Variants in XRN2 observed in about 807,000 individuals in gnomAD.
XRN2 encodes DHM1-like protein.
XRN2 carries 44 observed loss-of-function variants against 138.5 expected under a neutral mutation model. The ratio of observed to expected loss-of-function variants is 0.32; its 90% CI spans 0.25 to 0.41. The LOEUF (loss-of-function observed/expected upper bound fraction) is 0.41, where lower values mean the gene tolerates loss of function less well. Ranked by LOEUF, XRN2 falls within the 10% of genes least tolerant of loss-of-function variation. The probability of loss-of-function intolerance (pLI) is 1.00; values close to 1 mark genes in which losing one functional copy is unlikely to be tolerated. For synonymous variants in XRN2, 354 were observed against 369.4 expected, an observed-to-expected ratio of 0.96 and a Z score of 0.48; for missense variants, 937 against 1,169.3, an observed-to-expected ratio of 0.80 and a Z score of 2.90.
chr20:21,385,993 C>T (rs1412209318), intron 28 of XRN2, among the ~76,000 whole-genome samples: 2 of 152,098 alleles, frequency 1.3e-5, no homozygotes, highest in African/African-American at 4.8e-5. Context: ...ATGGAAAGTG[C>T]CTTAAGGAGA....
chr20:21,369,581 T>TA (rs1402626910), intron 27 of XRN2, among the ~76,000 whole-genome samples: 4 of 152,258 alleles, frequency 2.6e-5, no homozygotes, highest in African/African-American at 9.6e-5. Context: ...GGCAAGATGA[T>TA]ACCTCATTGT....
rs1314453217 is a variant in XRN2, at chr20:21,332,267, CATT to C, written c.701-15_701-13del. On this transcript the variant is annotated splice_polypyrimidine_tract_variant and intron_variant, in intron 8 of 29. Transcript: ENST00000377191. ...AATACTCACTGTTCGATGTTTTTCT[CATT>C]GTTGATTGATAGCTGATCTCATTAT... 2.6e-5 allele frequency: 42 copies of C among 1,604,282 alleles called. No homozygotes were observed. Among genetic ancestry groups the C allele is most frequent in the Non-Finnish European group, 3.5e-5 (41 of 1,176,224 alleles).
chr20:21,376,527 T>G (rs1420644314), intron 27 of XRN2, among the ~76,000 whole-genome samples: 3 of 152,180 alleles, frequency 2.0e-5, no homozygotes, highest in Non-Finnish European at 4.4e-5. Flanking sequence ...TCTGTTTGTT[T>G]ATAAGGTTTT....
chr20:21,334,700 T>C (rs866919723), intron 13 of XRN2, among the ~76,000 whole-genome samples: 3 of 152,192 alleles, frequency 2.0e-5, no homozygotes, highest in African/African-American at 7.2e-5. Context: ...TTGCATATTA[T>C]GGATGAGCGC....
intron 24 of XRN2, among the ~76,000 whole-genome samples, chr20:21,360,469 T>C (rs1287817952): frequency 3.9e-5 from 6 of 152,082 alleles, no homozygotes; most frequent in Non-Finnish European, 8.8e-5. Flanking sequence ...TTTTTTTTTT[T>C]TTCTCATAGC....
intron 4 of XRN2, among the ~76,000 whole-genome samples, chr20:21,329,458 C>T (rs747588945): frequency 2.6e-5 from 4 of 152,066 alleles, no homozygotes; most frequent in South Asian, 2.1e-4. Flanking sequence ...GTCTTGGCTC[C>T]GGATAATTGC....
intron 1 of XRN2, among the ~76,000 whole-genome samples, chr20:21,316,505 A>G (rs1335480038): frequency 4.6e-5 from 7 of 152,222 alleles, no homozygotes; most frequent in African/African-American, 1.7e-4. Context: ...ACTTTCTTGC[A>G]TTGGCTATCT....
At chr20:21,354,990 A>G in intron 21 of XRN2, 118 bp downstream of exon 21, 2 of 721,690 alleles carry the variant, frequency 2.8e-6, no homozygotes, top group Non-Finnish European at 4.1e-6. Flanking sequence ...GATATAAATC[A>G]TTGATTTTAT....
At chr20:21,372,005 A>G (rs951040221) in intron 27 of XRN2, among the ~76,000 whole-genome samples, 5 of 152,254 alleles carry the variant, frequency 3.3e-5, no homozygotes, top group African/African-American at 1.2e-4. Flanking sequence ...ATTAGATTTA[A>G]TGTGTACTTA....
chr20:21,376,702 TGAG>T (rs1374403453), intron 27 of XRN2, among the ~76,000 whole-genome samples: 1 of 150,490 alleles, frequency 6.6e-6, no homozygotes, highest in African/African-American at 2.5e-5. Context: ...ATATGAAGAG[TGAG>T]GAGGAGAGGG....
At chr20:21,361,142 C>A (rs2038632780) in intron 24 of XRN2, among the ~76,000 whole-genome samples, 1 of 152,182 alleles carries the variant, frequency 6.6e-6, no homozygotes, top group South Asian at 2.1e-4. Context: ...ATATTCCATT[C>A]CTTTTCTATT....
chr20:21,311,632 A>G (rs150389996), intron 1 of XRN2, among the ~76,000 whole-genome samples: 366 of 152,224 alleles, frequency 2.4e-3, no homozygotes, highest in African/African-American at 8.4e-3. Flanking sequence ...ATTTTGAGGA[A>G]CCACCAAACT....
chr20:21,388,967 G>C (rs2038962069), intron 29 of XRN2, among the ~76,000 whole-genome samples: 2 of 152,226 alleles, frequency 1.3e-5, no homozygotes, highest in Admixed American at 1.3e-4. Flanking sequence ...AGGACAGTGA[G>C]AAAATTGAGA....
chr20:21,366,248 ATGAAAATAC>A (rs1378012139), intron 26 of XRN2, among the ~76,000 whole-genome samples: 14 of 139,222 alleles, frequency 1.0e-4, no homozygotes, highest in Non-Finnish European at 2.0e-4. Context: ...TATAAACTTT[ATGAAAATAC>A]TGGGTTTGGG....
chr20:21,331,338 C>G (rs1455890950), intron 6 of XRN2, among the ~76,000 whole-genome samples: 1 of 151,764 alleles, frequency 6.6e-6, no homozygotes, highest in African/African-American at 2.4e-5. Context: ...TTTGGTGTCT[C>G]TCACACACAC....
At position 21,365,503 on chromosome 20, in the gene XRN2, A is replaced by G. The variant is rs1258950381; in HGVS notation, c.2324+14A>G. The G allele has an allele frequency of 6.2e-7, 1 of 1,613,772 alleles. No homozygotes were observed. Among genetic ancestry groups the G allele is most frequent in the East Asian group, 2.2e-5 (1 of 44,848 alleles). ...TCCAGGAGCAAGGTAACAACAGTAA[A>G]TTACCTAGATTTATTTTGTACAAAT... is the stretch of plus-strand genomic sequence containing the variant. On this transcript the variant is annotated intron_variant, in intron 25 of 29. Coordinates refer to ENST00000377191, the MANE Select transcript of XRN2 (RefSeq NM_012255.5).
intron 27 of XRN2, among the ~76,000 whole-genome samples, chr20:21,381,701 C>T (rs1277392793): frequency 1.3e-5 from 1 of 75,558 alleles, no homozygotes; most frequent in African/African-American, 6.8e-5. Flanking sequence ...TGTATCTTTA[C>T]TTACACACAC....
chr20:21,324,893 T>C (rs1027024668), intron 1 of XRN2, among the ~76,000 whole-genome samples: 2 of 152,242 alleles, frequency 1.3e-5, no homozygotes, highest in Non-Finnish European at 2.9e-5. Context: ...TTTTAGTATA[T>C]TTACAGAGCT....
chr20:21,355,788 A>G (rs1207877592), intron 21 of XRN2, among the ~76,000 whole-genome samples: 2 of 152,156 alleles, frequency 1.3e-5, no homozygotes, highest in Non-Finnish European at 2.9e-5. Flanking sequence ...TATGTGATCA[A>G]AATAGGGTAA....
Sources: allele counts gnomAD v4.1 joint callset (sites outside exome capture counted in the v4.1 genomes callset), GRCh38; gene constraint gnomAD v4.1.1; transcripts MANE v1.5; gene names NCBI Gene and HGNC (gene_info 2026-07-23, HGNC 2026-07-21).